KAZN: variants seen among roughly 807,000 people sequenced by gnomAD.
KAZN encodes the protein kazrin.
KAZN carries 40 observed loss-of-function variants against 87.4 expected under a neutral mutation model. That is an observed-to-expected ratio of 0.46 (90% confidence interval 0.36 to 0.60). The LOEUF (loss-of-function observed/expected upper bound fraction) is 0.60. Among genes scored for constraint, KAZN ranks in the 20% least tolerant of loss-of-function variants. The probability of loss-of-function intolerance (pLI) is 0.00; values close to 1 mark genes in which losing one functional copy is unlikely to be tolerated. For synonymous variants in KAZN, 466 were observed against 458.3 expected, an observed-to-expected ratio of 1.02 and a Z score of -0.22; for missense variants, 898 against 1,073.9, an observed-to-expected ratio of 0.84 and a Z score of 2.29.
chr1:14,920,793 C>T (rs896853128), intron 1 of KAZN, among the ~76,000 whole-genome samples: 1 of 152,162 alleles, frequency 6.6e-6, no homozygotes, highest in African/African-American at 2.4e-5. Flanking sequence ...CTCCTCTAAA[C>T]CCCCAAGAGT....
chr1:14,193,747 T>C (rs1200619030), intron 2 of KAZN, among the ~76,000 whole-genome samples: 12 of 151,934 alleles, frequency 7.9e-5, no homozygotes, highest in Admixed American at 7.9e-4. Flanking sequence ...TAAAAATGGT[T>C]GCACTTTGAG....
chr1:14,744,424 T>C (rs1054339826), intron 1 of KAZN, among the ~76,000 whole-genome samples: 1 of 152,150 alleles, frequency 6.6e-6, no homozygotes, highest in Non-Finnish European at 1.5e-5. Context: ...GTTTTTTTGT[T>C]TTTTAATTAT....
intron 1 of KAZN, among the ~76,000 whole-genome samples, chr1:14,040,084 T>TGC (rs1570590832): frequency 7.0e-6 from 1 of 143,054 alleles, no homozygotes; most frequent in African/African-American, 2.6e-5. Flanking sequence ...TGTGCACGTG[T>TGC]GTGTGTGAGA....
intron 4 of KAZN, among the ~76,000 whole-genome samples, chr1:15,048,862 C>T (rs969770230): frequency 2.8e-5 from 4 of 144,542 alleles, no homozygotes; most frequent in African/African-American, 1.1e-4. Context: ...GGTCCTTGGT[C>T]GTTGGTCCTG....
rs1301408126 is a variant in KAZN, at chr1:14,431,132, G to A, written c.250-167851G>A. ...ATGAATACGCATATTGAAGAACAAA[G>A]TATATAATGATAGACAAGCATATCT... On this transcript the variant is annotated intron_variant, in intron 2 of 16. Coordinates refer to the KAZN transcript ENST00000636203. Among the ~76,000 whole-genome samples, 44 of 152,184 alleles carry A rather than the reference G, an allele frequency of 2.9e-4. 1 individual carries two copies. The highest frequency in any genetic ancestry group is 2.9e-3 in the Admixed American group (44 of 15,288).
At chr1:14,387,248 C>T (rs546142990) in intron 2 of KAZN, among the ~76,000 whole-genome samples, 305 of 151,896 alleles carry the variant, frequency 2.0e-3, no homozygotes, top group African/African-American at 6.6e-3. Context: ...CTTCTTTGCC[C>T]TTGGTTTGAA....
intron 2 of KAZN, among the ~76,000 whole-genome samples, chr1:14,464,565 G>A (rs551715025): frequency 7.7e-4 from 116 of 150,178 alleles, no homozygotes; most frequent in Non-Finnish European, 1.3e-3. Context: ...TTGAGATGGC[G>A]TCTCACTCTG....
Position 14,180,618 on chromosome 1 carries a change from C to T in KAZN, c.249+26C>T, listed in dbSNP as rs190768404. 16 of 1,529,206 alleles carry T rather than the reference C, an allele frequency of 1.0e-5. No individual in the cohort carries two copies. In the Admixed American group the frequency reaches 1.7e-4, roughly 16 times the overall value. 94.7% of individuals were successfully genotyped at this position (1,529,206 alleles called of 1,614,324 possible). On this transcript the variant is annotated intron_variant, in intron 2 of 16. Coordinates refer to the KAZN transcript ENST00000636203. ...GTACAAAGATCAATACAGAAATTCT[C>T]TATGGAGAAGGTGGAATCTTTTTTT... is the stretch of plus-strand genomic sequence containing the variant.
chr1:15,012,560 A>G (rs1041507581), intron 2 of KAZN, among the ~76,000 whole-genome samples: 1 of 152,210 alleles, frequency 6.6e-6, no homozygotes, highest in Admixed American at 6.5e-5. Context: ...AGGGCACAGC[A>G]TAGGAATCAA....
chr1:14,701,831 C>T (rs1641937902), intron 1 of KAZN, among the ~76,000 whole-genome samples: 1 of 152,130 alleles, frequency 6.6e-6, no homozygotes, highest in Non-Finnish European at 1.5e-5. Flanking sequence ...AAGAAGGTGG[C>T]ACCTGCCCTT....
At chr1:14,920,276 G>GTTTTTTTTT (rs55641056) in intron 1 of KAZN, among the ~76,000 whole-genome samples, 5 of 94,158 alleles carry the variant, frequency 5.3e-5, no homozygotes, top group Non-Finnish European at 6.0e-5. Context: ...CCTCTTTTCT[G>GTTTTTTTTT]TTTTTTTTTT....
intron 1 of KAZN, among the ~76,000 whole-genome samples, chr1:13,932,499 A>G (rs1223649213): frequency 6.6e-6 from 1 of 151,920 alleles, no homozygotes; most frequent in African/African-American, 2.4e-5. Flanking sequence ...TGACCTCGTG[A>G]TCCGCCCGCC....
chr1:14,424,731 G>A (rs1368714224), intron 2 of KAZN, among the ~76,000 whole-genome samples: 1 of 152,166 alleles, frequency 6.6e-6, no homozygotes, highest in African/African-American at 2.4e-5. Context: ...CGCTTCAACA[G>A]CTTCTGCCAG....
At chr1:13,910,686 C>A (rs1038622103) in intron 1 of KAZN, among the ~76,000 whole-genome samples, 4 of 152,074 alleles carry the variant, frequency 2.6e-5, no homozygotes, top group Admixed American at 6.6e-5. Flanking sequence ...AATTAAACTC[C>A]TTTTCTTTAT....
At chr1:14,075,864 G>A (rs531020895) in intron 1 of KAZN, among the ~76,000 whole-genome samples, 7 of 152,138 alleles carry the variant, frequency 4.6e-5, no homozygotes, top group Admixed American at 2.6e-4. Context: ...TGGTGTTCCC[G>A]TCCCCCCAAA....
intron 1 of KAZN, among the ~76,000 whole-genome samples, chr1:14,613,076 C>T (rs765895260): frequency 5.3e-5 from 8 of 152,158 alleles, no homozygotes; most frequent in Non-Finnish European, 7.3e-5. Flanking sequence ...GCCTTGCTCC[C>T]AGGATGAGCC....
At chr1:14,281,971 C>T (rs920184773) in intron 2 of KAZN, among the ~76,000 whole-genome samples, 3 of 152,106 alleles carry the variant, frequency 2.0e-5, no homozygotes, top group Non-Finnish European at 4.4e-5. Context: ...AATATCCCAG[C>T]CCCCCAGCTC....
intron 2 of KAZN, among the ~76,000 whole-genome samples, chr1:14,588,565 G>GC (rs1675994319): frequency 2.0e-5 from 3 of 152,192 alleles, no homozygotes; most frequent in Admixed American, 6.5e-5. Context: ...CTGAGTCTGT[G>GC]CCCCCCAGCA....
intron 2 of KAZN, among the ~76,000 whole-genome samples, chr1:14,186,097 G>A (rs1570965108): frequency 6.6e-6 from 1 of 152,120 alleles, no homozygotes; most frequent in African/African-American, 2.4e-5. Context: ...AGTGCCAAAG[G>A]ACAATTTGGG....
Sources: allele counts gnomAD v4.1 joint callset (sites outside exome capture counted in the v4.1 genomes callset), GRCh38; gene constraint gnomAD v4.1.1; transcripts MANE v1.5; gene names NCBI Gene and HGNC (gene_info 2026-07-23, HGNC 2026-07-21).